METTL21C: variants seen among roughly 807,000 people sequenced by gnomAD.
The protein encoded by METTL21C is protein-lysine methyltransferase METTL21C.
Under a neutral mutation model 25.9 loss-of-function variants are expected in METTL21C, and 21 were observed. That is an observed-to-expected ratio of 0.81 (90% CI 0.58 to 1.17). The LOEUF (loss-of-function observed/expected upper bound fraction) is 1.17, where lower values mean the gene tolerates loss of function less well. METTL21C is among the 50% of genes most tolerant of loss of function. METTL21C has a pLI of 0.00. For synonymous variants in METTL21C, 125 were observed against 124.7 expected, an observed-to-expected ratio of 1.00 and a Z score of -0.01; for missense variants, 312 against 315.1, an observed-to-expected ratio of 0.99 and a Z score of 0.07.
intron 2 of METTL21C, 126 bp from the exon 3 acceptor site, chr13:102,687,183 G>A (rs1566387559): frequency 1.5e-6 from 1 of 689,528 alleles, no homozygotes; most frequent in South Asian, 1.8e-5. Flanking sequence ...ATATTCATAA[G>A]AACCCAAATG....
chr13:102,686,250 G>T lies in METTL21C; in HGVS notation c.576C>A (p.Ala192=). 2 of 1,614,188 alleles carry T rather than the reference G, an allele frequency of 1.2e-6. No individual in the cohort carries two copies. Among genetic ancestry groups the T allele is most frequent in the Non-Finnish European group, 1.7e-6 (2 of 1,180,030 alleles). Residue 192 remains alanine, a synonymous_variant, in exon 4 of 4, where the codon GCC becomes GCA. Transcript: ENST00000267273. ...KSAFYYDYVL[A]SDVVYHHYFL... ...AGTAGTGATGGTAGACCACATCTGA[G>T]GCTAGGACGTAATCATAGTAAAAAG...
Position 102,694,734 on chromosome 13 carries a change from C to T in METTL21C, c.-236G>A, listed in dbSNP as rs1292279690. 6.6e-6 allele frequency among the ~76,000 whole-genome samples: 1 copy of T among 151,640 alleles called. No individual in the cohort carries two copies. Among genetic ancestry groups the T allele is most frequent in the African/African-American group, 2.4e-5 (1 of 41,238 alleles). On this transcript the variant is annotated 5_prime_UTR_variant, in exon 1 of 4. Transcript: ENST00000267273. ...TGAGGCTTCTGTGCACTCTTTAATCCCCAGTGTTTTATATAGGTCTACACC... is the reference window on the plus strand; with the variant it reads ...TGAGGCTTCTGTGCACTCTTTAATCTCCAGTGTTTTATATAGGTCTACACC...
chr13:102,700,469 C>T, the METTL21C span, among the ~76,000 whole-genome samples: 1 of 152,118 alleles, frequency 6.6e-6, no homozygotes, highest in East Asian at 1.9e-4. Flanking sequence ...ATGTGTAAAT[C>T]ACAACGGGTA....
intron 1 of METTL21C, among the ~76,000 whole-genome samples, chr13:102,694,070 G>A (rs1384959178): frequency 6.6e-6 from 1 of 151,912 alleles, no homozygotes; most frequent in African/African-American, 2.4e-5. Flanking sequence ...TAGATTTTTT[G>A]TTCTTCTTTT....
rs753340714 is a variant in METTL21C, at chr13:102,686,071, G to A, written c.755C>T (p.Ser252Leu). The A allele has an allele frequency of 8.1e-6, 13 of 1,600,422 alleles. No individual in the cohort carries two copies. The highest frequency in any genetic ancestry group is 1.0e-5 in the Non-Finnish European group (12 of 1,171,112). The change falls in exon 4 of 4, where the codon TCA (serine) becomes TTA (leucine). Residue 252 changes from serine to leucine, a missense_variant. By Grantham distance (145) the Ser-to-Leu change is moderately radical. Transcript: ENST00000267273. The part of the protein sequence containing the change: ...DTTLLAEYPE[S>L]SVKLFKGILK... ...TATCCCCTTAAAAAGTTTGACTGAT[G>A]ACTCTGGATATTCAGCCAACAGTGT...
chr13:102,687,464 GA>G (rs1300810100), intron 2 of METTL21C, among the ~76,000 whole-genome samples: 1 of 152,186 alleles, frequency 6.6e-6, no homozygotes, highest in African/African-American at 2.4e-5. Flanking sequence ...TTAAATTATA[GA>G]AGTAATTTTT....
intron 2 of METTL21C, among the ~76,000 whole-genome samples, chr13:102,687,328 T>C (rs898367105): frequency 1.3e-5 from 2 of 152,212 alleles, no homozygotes; most frequent in Non-Finnish European, 2.9e-5. Context: ...TCAGCTTAGC[T>C]CTTTCAAATC....
intron 2 of METTL21C, among the ~76,000 whole-genome samples, chr13:102,688,376 C>T (rs1046462046): frequency 6.6e-6 from 1 of 152,204 alleles, no homozygotes; most frequent in Admixed American, 6.5e-5. Context: ...GCTTAGGGGC[C>T]ATGTCAGCCA....
In METTL21C at chr13:102,687,160, A is replaced by G. The variant is rs1885698051; in HGVS notation, c.283-103T>C. The G allele has an allele frequency of 8.6e-6, 7 of 818,354 alleles. No individual in the cohort carries two copies. The East Asian group carries it at 9.8e-5, about 11-fold the overall frequency. The allele number at this position is 818,354 out of a possible 1,614,324, so 50.7% of individuals were successfully genotyped here. A position where few individuals can be genotyped will look rare whatever the true frequency, so the allele number is the denominator to read the frequency against. On this transcript the variant is annotated intron_variant, in intron 2 of 3. Transcript: ENST00000267273. ...TAAATACTAAAAGACATGTTATTAC[A>G]TATGTTCAGTTTATATTCATAAGAA...
At chr13:102,688,468 G>A (rs1885737162) in intron 2 of METTL21C, among the ~76,000 whole-genome samples, 1 of 152,196 alleles carries the variant, frequency 6.6e-6, no homozygotes, top group Non-Finnish European at 1.5e-5. Context: ...CCACAGAGCC[G>A]CCGAGGAGTC....
intron 2 of METTL21C, among the ~76,000 whole-genome samples, chr13:102,690,148 T>C (rs989409142): frequency 1.3e-5 from 2 of 151,940 alleles, no homozygotes; most frequent in East Asian, 1.9e-4. Context: ...CGGCCGGGCG[T>C]GGTGGTTCAC....
Position 102,694,388 on chromosome 13 carries a change from G to T in METTL21C, c.111C>A (p.Ser37Arg). The T allele has an allele frequency of 6.4e-7, 1 of 1,552,490 alleles. No homozygotes were observed. The change falls in exon 1 of 4, where the codon AGC becomes AGA. Residue 37 changes from serine to arginine, a missense_variant. Coordinates refer to ENST00000267273, the MANE Select transcript of METTL21C (RefSeq NM_001010977.3). ...GGTTACCTTCTAGGACTCCCCCGGT[G>T]CTGTCTTTCTGCGGAGCCCCCTTCT... is the stretch of plus-strand genomic sequence containing the variant. ...AEKKGAPQKD[S>R]TGGVLEESNK...
the METTL21C span, among the ~76,000 whole-genome samples, chr13:102,703,540 T>C: frequency 6.6e-6 from 1 of 152,190 alleles, no homozygotes; most frequent in Non-Finnish European, 1.5e-5. Context: ...GGGAAAATCT[T>C]GCAAAATCGC....
chr13:102,689,036 T>TG (rs1885755258), intron 2 of METTL21C, among the ~76,000 whole-genome samples: 1 of 152,208 alleles, frequency 6.6e-6, no homozygotes, highest in Non-Finnish European at 1.5e-5. Context: ...AGTGATACCT[T>TG]GTTCAGAATA....
upstream of METTL21C, among the ~76,000 whole-genome samples, chr13:102,698,426 C>A (rs1039527458): frequency 3.3e-5 from 5 of 152,152 alleles, no homozygotes; most frequent in Admixed American, 2.0e-4. Flanking sequence ...ATCAGATAGA[C>A]CCTGTTACAA....
At chr13:102,702,196 T>C in the METTL21C span, among the ~76,000 whole-genome samples, 4 of 133,238 alleles carry the variant, frequency 3.0e-5, no homozygotes, top group Admixed American at 1.4e-4. Flanking sequence ...TATATATACA[T>C]ATATATATAT....
chr13:102,696,112 T>A (rs938814893), upstream of METTL21C, among the ~76,000 whole-genome samples: 12 of 152,208 alleles, frequency 7.9e-5, no homozygotes, highest in African/African-American at 2.9e-4. Context: ...TAAACTTTTT[T>A]AAAGCTATTT....
intron 2 of METTL21C, among the ~76,000 whole-genome samples, chr13:102,689,539 T>C (rs1885773308): frequency 6.6e-6 from 1 of 152,218 alleles, no homozygotes; most frequent in South Asian, 2.1e-4. Flanking sequence ...GTGGGCACCC[T>C]GGCCCAGCAG....
chr13:102,703,676 G>A, the METTL21C span, among the ~76,000 whole-genome samples: 1 of 152,200 alleles, frequency 6.6e-6, no homozygotes, highest in Non-Finnish European at 1.5e-5. Flanking sequence ...GAGGTTTTGT[G>A]GTGGGGGAGA....
Sources: gnomAD v4.1 joint callset for allele counts (sites outside exome capture counted in the v4.1 genomes callset) on GRCh38, gnomAD v4.1.1 for gene constraint, MANE v1.5 for transcripts, NCBI Gene and HGNC (gene_info 2026-07-23, HGNC 2026-07-21) for gene names.